The following APPL2 variants were observed in gnomAD, a reference collection of about 807,000 sequenced individuals.
APPL2 encodes DCC-interacting protein 13-beta.
In APPL2, 84 loss-of-function variants were observed where a neutral mutation model predicts 92.7. The observed-to-expected ratio is 0.91, with a 90% CI of 0.76 to 1.09. The LOEUF (loss-of-function observed/expected upper bound fraction) is 1.09, where lower values mean the gene tolerates loss of function less well. Among genes scored for constraint, APPL2 ranks in the 50% least tolerant of loss-of-function variants. APPL2 has a pLI of 0.00. For synonymous variants in APPL2, 291 were observed against 291.0 expected, an observed-to-expected ratio of 1.00 and a Z score of 0.00; for missense variants, 736 against 824.5, an observed-to-expected ratio of 0.89 and a Z score of 1.31.
At position 105,190,019 on chromosome 12, in the gene APPL2, C is replaced by A; in HGVS notation, c.1378G>T (p.Glu460Ter). ...IQFDIVLPATEFLDQNRGSRR... is the reference protein window; with the variant it reads ...IQFDIVLPAT ...CTCCCTCTGTTCTGATCAAGGAATT[C>A]TGTAGCAGGAAGCACAATATCGAAT... The change falls in exon 15 of 21, where the codon GAA (glutamate) becomes TAA (stop). Residue 460 changes from glutamate to a stop codon, truncating the protein, a stop_gained. Transcript: ENST00000258530. LOFTEE classifies it high-confidence loss of function. The A allele has an allele frequency of 6.2e-7, 1 of 1,614,192 alleles. No individual in the cohort carries two copies. Among genetic ancestry groups the A allele is most frequent in the Non-Finnish European group, 8.5e-7 (1 of 1,180,034 alleles).
chr12:105,188,513 G>C, intron 16 of APPL2, 66 bp from the exon 17 acceptor site: 2 of 1,544,664 alleles, frequency 1.3e-6, no homozygotes, highest in Non-Finnish European at 1.8e-6. Context: ...TGCATACCAG[G>C]GTCAGATGTG....
chr12:105,217,246 C>A, intron 3 of APPL2, 106 bp from the exon 4 acceptor site: 2 of 688,708 alleles, frequency 2.9e-6, no homozygotes, highest in Non-Finnish European at 4.9e-6. Context: ...CCTTTCTTCT[C>A]CAAGAGCACG....
intron 3 of APPL2, 127 bp downstream of exon 3, chr12:105,217,539 G>C (rs1404327024): frequency 2.3e-6 from 2 of 887,520 alleles, no homozygotes; most frequent in Non-Finnish European, 3.4e-6. Flanking sequence ...GAAGGGAAAA[G>C]ACAGGACAAA....
chr12:105,224,721 A>G (rs764140437), intron 2 of APPL2, among the ~76,000 whole-genome samples: 40 of 152,242 alleles, frequency 2.6e-4, no homozygotes, highest in Admixed American at 8.5e-4. Flanking sequence ...TTCACTCTTA[A>G]AACATGCAGC....
chr12:105,206,082 C>T (rs2136001484), intron 8 of APPL2, among the ~76,000 whole-genome samples: 1 of 152,294 alleles, frequency 6.6e-6, no homozygotes, highest in East Asian at 1.9e-4. Context: ...TCCCATTTGC[C>T]CTGAGAGTAC....
chr12:105,198,957 A>C (rs933431262), intron 10 of APPL2, among the ~76,000 whole-genome samples: 2 of 152,246 alleles, frequency 1.3e-5, no homozygotes, highest in South Asian at 2.1e-4. Context: ...AATCAGTATG[A>C]ATCGAACTGA....
intron 4 of APPL2, among the ~76,000 whole-genome samples, chr12:105,213,866 C>T (rs1889421075): frequency 6.6e-6 from 1 of 152,178 alleles, no homozygotes; most frequent in Admixed American, 6.5e-5. Context: ...GCTAACTCTT[C>T]CAGGGTGCCA....
At chr12:105,210,387 T>C (rs886794878) in intron 5 of APPL2, among the ~76,000 whole-genome samples, 1 of 152,242 alleles carries the variant, frequency 6.6e-6, no homozygotes, top group African/African-American at 2.4e-5. Context: ...TCTTTTAGCA[T>C]TCAGGTTTAG....
In APPL2 at chr12:105,197,935, G is replaced by A. The variant is rs148406749; in HGVS notation, c.882C>T (p.Thr294=). 709 of 1,614,098 alleles carry A rather than the reference G, an allele frequency of 4.4e-4. No individual in the cohort carries two copies. Among genetic ancestry groups the A allele is most frequent in the Admixed American group, 5.8e-4 (35 of 59,994 alleles). Residue 294 remains threonine, a synonymous_variant, in exon 11 of 21, where the codon ACC becomes ACT. Transcript: ENST00000258530. ...AGAAATAAAGCCTCTCCCAGGTGGT[G>A]GTGACCAGCCCTGTTTTGCTGTGAG... is the stretch of plus-strand genomic sequence containing the variant. ...LNLRNKTGLV[T]TTWERLYFFT...
intron 14 of APPL2, among the ~76,000 whole-genome samples, chr12:105,190,595 G>A (rs770925402): frequency 4.6e-5 from 7 of 152,208 alleles, no homozygotes; most frequent in African/African-American, 9.6e-5. Flanking sequence ...CACCCTCTAC[G>A]AGAGCTGTAC....
chr12:105,181,521 T>C (rs535025940), intron 17 of APPL2, among the ~76,000 whole-genome samples: 2 of 152,278 alleles, frequency 1.3e-5, no homozygotes, highest in East Asian at 3.9e-4. Context: ...TTTGGAATAG[T>C]TTTAGAAGGA....
At chr12:105,217,930 C>G (rs1342665366) in intron 2 of APPL2, among the ~76,000 whole-genome samples, 1 of 152,100 alleles carries the variant, frequency 6.6e-6, no homozygotes, top group Non-Finnish European at 1.5e-5. Context: ...CAGCAAAACT[C>G]CATCTCTGCA....
At chr12:105,184,236 C>G (rs1886390249) in intron 17 of APPL2, among the ~76,000 whole-genome samples, 1 of 152,120 alleles carries the variant, frequency 6.6e-6, no homozygotes, top group South Asian at 2.1e-4. Flanking sequence ...TTTGTTATTA[C>G]TCACCTTCTG....
At chr12:105,222,455 G>A (rs1566095310) in intron 2 of APPL2, among the ~76,000 whole-genome samples, 1 of 152,188 alleles carries the variant, frequency 6.6e-6, no homozygotes, top group Non-Finnish European at 1.5e-5. Flanking sequence ...AGGGTGTGGT[G>A]AGTGAGGAAG....
At chr12:105,217,468 G>C (rs972602936) in intron 3 of APPL2, among the ~76,000 whole-genome samples, 198 bp downstream of exon 3, 1 of 152,178 alleles carries the variant, frequency 6.6e-6, no homozygotes, top group South Asian at 2.1e-4. Flanking sequence ...ATTACTTCTA[G>C]AGGCTAATTA....
At chr12:105,229,371 T>C in intron 1 of APPL2, 148 bp from the exon 2 acceptor site, 1 of 826,436 alleles carries the variant, frequency 1.2e-6, no homozygotes. Flanking sequence ...TTATTGATAG[T>C]ACCAGTACCA....
At position 105,208,186 on chromosome 12, in the gene APPL2, T is replaced by G; in HGVS notation, c.387A>C (p.Leu129Phe). Residue 129 changes from leucine (L) to phenylalanine (F), a missense_variant, in exon 6 of 21, where the codon TTA (leucine) becomes TTC (phenylalanine). Leu to Phe is a conservative substitution (Grantham distance 22, BLOSUM62 0). Coordinates refer to ENST00000258530, the MANE Select transcript of APPL2 (RefSeq NM_018171.5). ...TGCTAGCGAGTCCAAATAGATCCTT[T>G]AAAGTGCTTACTTCTGAAAAGGAGA... ...REKDLTEVST[L>F]KDLFGLASNE... 1 of 1,614,216 alleles carries G rather than the reference T, an allele frequency of 6.2e-7. No homozygotes were observed. Among genetic ancestry groups the G allele is most frequent in the Non-Finnish European group, 8.5e-7 (1 of 1,180,028 alleles).
At chr12:105,206,109 T>C (rs1204171196) in intron 8 of APPL2, among the ~76,000 whole-genome samples, 1 of 152,238 alleles carries the variant, frequency 6.6e-6, no homozygotes. Context: ...GGCAGTGAGC[T>C]GCACTTTTTT....
chr12:105,192,206 C>T (rs1182494570), intron 14 of APPL2, among the ~76,000 whole-genome samples: 1 of 152,208 alleles, frequency 6.6e-6, no homozygotes, highest in Non-Finnish European at 1.5e-5. Context: ...GGTTTTACCT[C>T]CAGAATAAGT....
Sources: gnomAD v4.1 joint callset for allele counts (sites outside exome capture counted in the v4.1 genomes callset) on GRCh38, gnomAD v4.1.1 for gene constraint, MANE v1.5 for transcripts, NCBI Gene and HGNC (gene_info 2026-07-23, HGNC 2026-07-21) for gene names.